Variants in SGCZ observed in about 807,000 individuals in gnomAD.
SGCZ encodes sarcoglycan zeta, also known as zeta-sarcoglycan.
A neutral mutation model predicts 41.3 loss-of-function variants in SGCZ; 40 were observed. The observed-to-expected ratio is 0.97, with a 90% CI of 0.75 to 1.26. The LOEUF (loss-of-function observed/expected upper bound fraction) is 1.26, where lower values mean the gene tolerates loss of function less well. Among genes scored for constraint, SGCZ ranks in the 50% most tolerant of loss-of-function variants. SGCZ has a pLI of 0.00. For synonymous variants in SGCZ, 206 were observed against 137.5 expected, an observed-to-expected ratio of 1.50 and a Z score of -3.49; for missense variants, 552 against 369.8, an observed-to-expected ratio of 1.49 and a Z score of -4.04.
chr8:15,021,242 C>T (rs1460303887), intron 1 of SGCZ, among the ~76,000 whole-genome samples: 1 of 152,140 alleles, frequency 6.6e-6, no homozygotes, highest in Non-Finnish European at 1.5e-5. Flanking sequence ...AAAAGAAGTG[C>T]AATTTATGTT....
chr8:14,838,411 A>C (rs1176881207), intron 1 of SGCZ, among the ~76,000 whole-genome samples: 2 of 152,166 alleles, frequency 1.3e-5, no homozygotes, highest in Non-Finnish European at 2.9e-5. Context: ...TTGATATGCA[A>C]ACTAACCAAT....
At chr8:14,654,490 T>G (rs1304589930) in intron 1 of SGCZ, among the ~76,000 whole-genome samples, 1 of 152,102 alleles carries the variant, frequency 6.6e-6, no homozygotes, top group African/African-American at 2.4e-5. Context: ...TCTTAGAAAA[T>G]TGCCAATATG....
intron 1 of SGCZ, among the ~76,000 whole-genome samples, chr8:14,687,721 G>A (rs993989139): frequency 4.0e-5 from 6 of 151,288 alleles, no homozygotes; most frequent in African/African-American, 1.5e-4. Context: ...GTAATGAGAT[G>A]GCTGGGTCAA....
chr8:14,437,822 A>C (rs537769529), intron 2 of SGCZ, among the ~76,000 whole-genome samples: 2 of 151,854 alleles, frequency 1.3e-5, no homozygotes, highest in African/African-American at 4.8e-5. Flanking sequence ...CATTTAATAA[A>C]AATTTATAAT....
intron 2 of SGCZ, among the ~76,000 whole-genome samples, chr8:14,381,425 G>T (rs987377074): frequency 6.6e-6 from 1 of 151,968 alleles, no homozygotes; most frequent in Non-Finnish European, 1.5e-5. Flanking sequence ...ACCACTTCCT[G>T]CCCCCTCATT....
intron 2 of SGCZ, among the ~76,000 whole-genome samples, chr8:14,410,424 AT>A (rs1300130310): frequency 1.3e-5 from 2 of 150,514 alleles, no homozygotes; most frequent in African/African-American, 4.9e-5. Flanking sequence ...GAAAAGGCTG[AT>A]TTTCAATGAC....
At chr8:14,978,470 CAAAAAAAAAAAAAAAAAAAA>C (rs59543494) in intron 1 of SGCZ, among the ~76,000 whole-genome samples, 49 of 62,826 alleles carry the variant, frequency 7.8e-4, no homozygotes, top group South Asian at 5.3e-3. Flanking sequence ...GACACCGTCA[CAAAAAAAAAAAAAAAAAAAA>C]AAAAAAAAAA....
chr8:14,831,644 G>GTGTGTA (rs199982117), intron 1 of SGCZ, among the ~76,000 whole-genome samples: 67 of 150,260 alleles, frequency 4.5e-4, no homozygotes, highest in Admixed American at 6.6e-4. Flanking sequence ...GTGTGTGTGT[G>GTGTGTA]TATATATATA....
intron 3 of SGCZ, among the ~76,000 whole-genome samples, chr8:14,318,924 G>A (rs1198739910): frequency 6.8e-6 from 1 of 147,148 alleles, no homozygotes; most frequent in African/African-American, 2.5e-5. Flanking sequence ...GGAAAATTCT[G>A]AGATTCACTA....
chr8:14,979,262 A>T (rs190517609), intron 1 of SGCZ, among the ~76,000 whole-genome samples: 1 of 152,364 alleles, frequency 6.6e-6, no homozygotes, highest in East Asian at 1.9e-4. Context: ...GTCATTAAAA[A>T]GTTAAACATG....
Position 14,814,977 on chromosome 8 carries a change from C to T in SGCZ, c.40-260051G>A, listed in dbSNP as rs1432103436. ...AAAAAGAAAACTACTGTTCTGAACTCGGTTACTTCTTCTGCCTCCATTTTT... is the reference window on the plus strand; with the variant it reads ...AAAAAGAAAACTACTGTTCTGAACTTGGTTACTTCTTCTGCCTCCATTTTT... On this transcript the variant is annotated intron_variant, in intron 1 of 7. Transcript: ENST00000382080. Among the ~76,000 whole-genome samples, 5 of 152,130 alleles carry T rather than the reference C, an allele frequency of 3.3e-5. 1 individual carries two copies. Among genetic ancestry groups the T allele is most frequent in the Admixed American group, 1.3e-4 (2 of 15,266 alleles).
At chr8:15,188,748 A>G (rs1800430579) in intron 1 of SGCZ, among the ~76,000 whole-genome samples, 1 of 152,120 alleles carries the variant, frequency 6.6e-6, no homozygotes, top group African/African-American at 2.4e-5. Flanking sequence ...CTGCAATTAT[A>G]TTTGCATTAT....
intron 5 of SGCZ, among the ~76,000 whole-genome samples, chr8:14,121,560 T>A (rs1392124252): frequency 6.6e-6 from 1 of 152,176 alleles, no homozygotes; most frequent in Non-Finnish European, 1.5e-5. Context: ...ATTATTGTTG[T>A]TAAACTGACT....
intron 1 of SGCZ, among the ~76,000 whole-genome samples, chr8:14,740,063 C>T (rs1799154455): frequency 6.6e-6 from 1 of 151,916 alleles, no homozygotes; most frequent in Admixed American, 6.6e-5. Context: ...AAATTGGCAG[C>T]TAAAAACGTG....
chr8:14,892,087 T>A (rs1805038241), intron 1 of SGCZ, among the ~76,000 whole-genome samples: 1 of 152,242 alleles, frequency 6.6e-6, no homozygotes, highest in Non-Finnish European at 1.5e-5. Flanking sequence ...GATATGCTTA[T>A]ATTTACAATC....
At chr8:14,719,067 T>C (rs921550719) in intron 1 of SGCZ, among the ~76,000 whole-genome samples, 5 of 140,318 alleles carry the variant, frequency 3.6e-5, no homozygotes, top group Middle Eastern at 3.5e-3. Context: ...TGTGTTCTCA[T>C]TGTTCAACTC....
rs574231870 is a variant in SGCZ at position 14,952,822 on chromosome 8, A to G, written c.39+284763T>C. Among the ~76,000 whole-genome samples the G allele has an allele frequency of 1.1e-3, 173 of 152,316 alleles. 1 individual carries two copies. The highest frequency in any genetic ancestry group is 4.0e-3 in the African/African-American group (165 of 41,578). Reference sequence around the variant, plus strand: ...TAGTAGACTGAAATCCTTGTTAGCAATAGAAATTAGAAGAAAGATGTCCTG... The same window carrying G: ...TAGTAGACTGAAATCCTTGTTAGCAGTAGAAATTAGAAGAAAGATGTCCTG... On this transcript the variant is annotated intron_variant, in intron 1 of 7. Coordinates refer to ENST00000382080, the MANE Select transcript of SGCZ (RefSeq NM_139167.4).
chr8:14,146,198 C>T (rs188534134), intron 5 of SGCZ, among the ~76,000 whole-genome samples: 38 of 152,102 alleles, frequency 2.5e-4, no homozygotes, highest in Admixed American at 5.9e-4. Flanking sequence ...TAAAAGCAGC[C>T]AGAGAAAATA....
chr8:14,500,258 G>A (rs944043050), intron 2 of SGCZ, among the ~76,000 whole-genome samples: 1 of 152,012 alleles, frequency 6.6e-6, no homozygotes, highest in African/African-American at 2.4e-5. Flanking sequence ...GTTTGAGCAC[G>A]TGGAGTACCC....
Sources: gnomAD v4.1 joint callset for allele counts (sites outside exome capture counted in the v4.1 genomes callset) on GRCh38, gnomAD v4.1.1 for gene constraint, MANE v1.5 for transcripts, NCBI Gene and HGNC (gene_info 2026-07-23, HGNC 2026-07-21) for gene names.